The following LEKR1 variants were observed in gnomAD, a reference collection of about 807,000 sequenced individuals.
LEKR1 encodes leucine, glutamate and lysine rich 1, also known as protein LEKR1.
A neutral mutation model predicts 72.4 loss-of-function variants in LEKR1; 59 were observed. The ratio of observed to expected loss-of-function variants is 0.82; its 90% CI spans 0.66 to 1.01. The LOEUF is 1.01. Among genes scored for constraint, LEKR1 ranks in the 50% least tolerant of loss-of-function variants. The pLI, the probability that LEKR1 is intolerant of heterozygous loss-of-function variation, is 0.00. For synonymous variants in LEKR1, 257 were observed against 263.2 expected (o/e 0.98, Z 0.23); for missense variants, 728 against 759.2 (o/e 0.96, Z 0.48).
chr3:156,958,859 C>T (rs1448474909), intron 6 of LEKR1, among the ~76,000 whole-genome samples: 1 of 151,970 alleles, frequency 6.6e-6, no homozygotes, highest in Non-Finnish European at 1.5e-5. Flanking sequence ...TTTTTGTCTC[C>T]TGTAAATTTC....
At chr3:156,866,814 G>A (rs1717361303) in intron 3 of LEKR1, among the ~76,000 whole-genome samples, 1 of 151,832 alleles carries the variant, frequency 6.6e-6, no homozygotes, top group African/African-American at 2.4e-5. Flanking sequence ...ATAAACTACT[G>A]GAAAAGAGAG....
At chr3:156,993,558 C>T (rs1185287057) in intron 9 of LEKR1, among the ~76,000 whole-genome samples, 1 of 151,502 alleles carries the variant, frequency 6.6e-6, no homozygotes, top group Non-Finnish European at 1.5e-5. Context: ...AAAAAAAAAT[C>T]AGACCACGTG....
At chr3:157,020,547 C>A (rs9833311) in intron 10 of LEKR1, among the ~76,000 whole-genome samples, 2 of 148,872 alleles carry the variant, frequency 1.3e-5, no homozygotes, top group Non-Finnish European at 3.0e-5. Flanking sequence ...TTTGTCCTTG[C>A]GATAGTTTAC....
chr3:156,978,594 AG>A (rs1249424878), intron 6 of LEKR1, among the ~76,000 whole-genome samples: 2 of 152,200 alleles, frequency 1.3e-5, no homozygotes, highest in African/African-American at 4.8e-5. Flanking sequence ...CTTGTTAGAC[AG>A]GGCTGCTTGA....
At chr3:156,925,739 CT>C (rs1417900110) in intron 4 of LEKR1, among the ~76,000 whole-genome samples, 1 of 151,842 alleles carries the variant, frequency 6.6e-6, no homozygotes, top group Admixed American at 6.6e-5. Context: ...CTCTCTCTCA[CT>C]TTTTAAAAAA....
At chr3:156,850,537 T>TCA (rs1310222500) in intron 2 of LEKR1, among the ~76,000 whole-genome samples, 2 of 152,218 alleles carry the variant, frequency 1.3e-5, no homozygotes, top group African/African-American at 4.8e-5. Context: ...TACAGTGTCC[T>TCA]CATCTCAGCT....
In LEKR1 at chr3:156,881,596, A is replaced by G. The variant is rs201377208; in HGVS notation, c.263+28614A>G. ...CTGCCCAAGGTAATTTACAGATTCAATGCCATCCCCATCAAGCTACCAATG... is the reference window on the plus strand; with the variant it reads ...CTGCCCAAGGTAATTTACAGATTCAGTGCCATCCCCATCAAGCTACCAATG... On this transcript the variant is annotated intron_variant, in intron 3 of 12. Coordinates refer to ENST00000356539, the MANE Select transcript of LEKR1 (RefSeq NM_001004316.3). Among the ~76,000 whole-genome samples, 2,261 of 151,464 alleles carry G rather than the reference A, an allele frequency of 0.015. 103 individuals carry two copies. In the East Asian group the frequency reaches 0.15, roughly 10 times the overall value.
rs542667306 is a variant in LEKR1, at chr3:156,953,294, T to C, written c.745+10580T>C. Among the ~76,000 whole-genome samples the C allele has an allele frequency of 4.0e-5, 6 of 151,718 alleles. No individual in the cohort carries two copies. The South Asian group carries it at 1.2e-3, about 31-fold the overall frequency. On this transcript the variant is annotated intron_variant, in intron 6 of 12. Coordinates refer to ENST00000356539, the MANE Select transcript of LEKR1 (RefSeq NM_001004316.3). Reference sequence around the variant, plus strand: ...CTATGGTTAACATTGTACACTAGTTTAGTGCATTTGTTACAATTAATGAAT... The same window carrying C: ...CTATGGTTAACATTGTACACTAGTTCAGTGCATTTGTTACAATTAATGAAT...
chr3:157,000,957 C>T (rs10804775), intron 9 of LEKR1, among the ~76,000 whole-genome samples: 13,708 of 152,108 alleles, frequency 0.09, 684 homozygotes, highest in African/African-American at 0.12. Flanking sequence ...ATAAGGGGCT[C>T]TTCCCCCCTT....
At chr3:156,967,045 C>A (rs1728679959) in intron 6 of LEKR1, among the ~76,000 whole-genome samples, 1 of 152,194 alleles carries the variant, frequency 6.6e-6, no homozygotes, top group Admixed American at 6.5e-5. Flanking sequence ...CAGCAAACTC[C>A]AACAGACCTG....
chr3:157,007,264 A>G (rs531555107), intron 9 of LEKR1, among the ~76,000 whole-genome samples: 248 of 152,306 alleles, frequency 1.6e-3, no homozygotes, highest in Non-Finnish European at 2.9e-3. Context: ...ACCACCCACC[A>G]TCTACAGACC....
At chr3:156,961,444 C>A (rs553839586) in intron 6 of LEKR1, among the ~76,000 whole-genome samples, 1 of 152,304 alleles carries the variant, frequency 6.6e-6, no homozygotes, top group African/African-American at 2.4e-5. Flanking sequence ...CACTCCTGCC[C>A]CTTTCCAACA....
intron 3 of LEKR1, among the ~76,000 whole-genome samples, chr3:156,868,342 C>T (rs6441100): frequency 0.3 from 46,140 of 151,804 alleles, 9,987 homozygotes; most frequent in African/African-American, 0.62. Flanking sequence ...TTTCTATTAA[C>T]GGATGTGAAT....
chr3:156,844,752 T>G (rs1057452444), intron 2 of LEKR1, among the ~76,000 whole-genome samples: 5 of 152,134 alleles, frequency 3.3e-5, no homozygotes, highest in Admixed American at 1.3e-4. Context: ...TTTAACCATT[T>G]ACCTACTCAT....
chr3:157,038,573 C>G (rs4680333), intron 12 of LEKR1, among the ~76,000 whole-genome samples: 109,148 of 151,848 alleles, frequency 0.72, 39,707 homozygotes, highest in East Asian at 0.93. Flanking sequence ...ACTTTTAGAG[C>G]CTGGGAAGAG....
chr3:157,034,271 C>T (rs1416157401), intron 12 of LEKR1, among the ~76,000 whole-genome samples: 1 of 152,166 alleles, frequency 6.6e-6, no homozygotes, highest in African/African-American at 2.4e-5. Context: ...ATTGATTCCT[C>T]TGATGGATCT....
intron 4 of LEKR1, among the ~76,000 whole-genome samples, chr3:156,922,958 C>T (rs1003204888): frequency 7.9e-5 from 12 of 152,100 alleles, no homozygotes; most frequent in African/African-American, 2.9e-4. Context: ...AAAGCTAGAC[C>T]TTATCATCTC....
rs139263242 is a variant in LEKR1, at chr3:156,841,827, C to T, written c.49-10941C>T. Among the ~76,000 whole-genome samples, 210 of 152,128 alleles carry T rather than the reference C, an allele frequency of 1.4e-3. 1 individual carries two copies. Among genetic ancestry groups the T allele is most frequent in the African/African-American group, 4.9e-3 (204 of 41,494 alleles). On this transcript the variant is annotated intron_variant, in intron 2 of 12. Transcript: ENST00000356539. ...ACTGGGCAGTGTATTTAATCAGCTGCGTGTGTTATTCTATACAGAATAATA... is the reference window on the plus strand; with the variant it reads ...ACTGGGCAGTGTATTTAATCAGCTGTGTGTGTTATTCTATACAGAATAATA...
intron 3 of LEKR1, among the ~76,000 whole-genome samples, chr3:156,910,812 C>T (rs1723039343): frequency 6.6e-6 from 1 of 152,042 alleles, no homozygotes; most frequent in African/African-American, 2.4e-5. Context: ...ATGAACATGT[C>T]TTTTTAGTAA....
Sources: gnomAD v4.1 joint callset for allele counts (sites outside exome capture counted in the v4.1 genomes callset) on GRCh38, gnomAD v4.1.1 for gene constraint, MANE v1.5 for transcripts, NCBI Gene and HGNC (gene_info 2026-07-23, HGNC 2026-07-21) for gene names.